The following CNTN5 variants were observed in gnomAD, a reference collection of about 807,000 sequenced individuals.
CNTN5 encodes the protein contactin 5, also known as contactin-5.
A neutral mutation model predicts 129.1 loss-of-function variants in CNTN5; 77 were observed. The observed-to-expected ratio is 0.60, with a 90% confidence interval of 0.50 to 0.72. The LOEUF is 0.72. CNTN5 is among the 30% of genes least tolerant of loss of function. CNTN5 has a pLI of 0.00. For missense variants in CNTN5, 1,478 were observed against 1,328.8 expected, an observed-to-expected ratio of 1.11 and a Z score of -1.75; for synonymous variants, 509 against 465.6, an observed-to-expected ratio of 1.09 and a Z score of -1.20.
intron 8 of CNTN5, among the ~76,000 whole-genome samples, chr11:99,978,410 G>C (rs372003707): frequency 2.8e-4 from 42 of 152,174 alleles, no homozygotes; most frequent in Admixed American, 1.1e-3. Context: ...GTACAGTAGT[G>C]TCCTAGGCTT....
chr11:100,256,515 G>T (rs527876321), intron 17 of CNTN5, among the ~76,000 whole-genome samples: 124 of 152,196 alleles, frequency 8.1e-4, no homozygotes, highest in African/African-American at 2.6e-3. Flanking sequence ...CTGGCAAGAT[G>T]GCTGAATAGG....
intron 3 of CNTN5, among the ~76,000 whole-genome samples, chr11:99,570,336 C>T (rs1949137590): frequency 6.6e-6 from 1 of 152,156 alleles, no homozygotes; most frequent in East Asian, 1.9e-4. Flanking sequence ...AAGGAATTGA[C>T]TGTTTTTAAA....
chr11:99,971,604 C>T (rs1217150422), intron 8 of CNTN5, among the ~76,000 whole-genome samples: 1 of 151,664 alleles, frequency 6.6e-6, no homozygotes, highest in African/African-American at 2.4e-5. Context: ...AAATGCCAGC[C>T]CTAACTCGAT....
At chr11:99,396,880 G>C (rs190851195) in intron 2 of CNTN5, among the ~76,000 whole-genome samples, 230 of 151,796 alleles carry the variant, frequency 1.5e-3, no homozygotes, top group African/African-American at 5.4e-3. Context: ...CAAGTATCTA[G>C]TGCATACGAC....
intron 1 of CNTN5, among the ~76,000 whole-genome samples, chr11:99,302,885 G>C (rs2135948993): frequency 6.6e-6 from 1 of 151,354 alleles, no homozygotes; most frequent in Admixed American, 6.6e-5. Flanking sequence ...TGGAACACTA[G>C]ACTTCACTAA....
intron 13 of CNTN5, among the ~76,000 whole-genome samples, chr11:100,124,565 G>A (rs1015498555): frequency 2.0e-5 from 3 of 151,962 alleles, no homozygotes; most frequent in African/African-American, 7.2e-5. Context: ...CAGATTTCTG[G>A]CAATGAGCCC....
intron 23 of CNTN5, among the ~76,000 whole-genome samples, chr11:100,342,528 CTA>C (rs1333467389): frequency 6.6e-6 from 1 of 152,034 alleles, no homozygotes; most frequent in African/African-American, 2.4e-5. Context: ...TAGAGAAATA[CTA>C]TATAACTAGA....
chr11:99,499,943 T>A (rs529214671), intron 2 of CNTN5, among the ~76,000 whole-genome samples: 1 of 152,270 alleles, frequency 6.6e-6, no homozygotes, highest in Admixed American at 6.6e-5. Flanking sequence ...CAAGAGTATT[T>A]ATGACTACTA....
At chr11:99,526,732 A>G (rs1254101733) in intron 2 of CNTN5, among the ~76,000 whole-genome samples, 1 of 152,234 alleles carries the variant, frequency 6.6e-6, no homozygotes, top group East Asian at 1.9e-4. Context: ...AGTCTGTGTT[A>G]ACTGATGCTT....
chr11:99,027,230 ACTT>A (rs952097168), intron 1 of CNTN5, among the ~76,000 whole-genome samples: 2 of 151,554 alleles, frequency 1.3e-5, no homozygotes, highest in Non-Finnish European at 3.0e-5. Context: ...GCCCTATAAT[ACTT>A]CTTAATTTTT....
intron 7 of CNTN5, among the ~76,000 whole-genome samples, chr11:99,925,718 G>T (rs543583019): frequency 1.3e-5 from 2 of 148,692 alleles, no homozygotes; most frequent in South Asian, 2.1e-4. Context: ...TGTTTTGTGG[G>T]TTTTTTTTTT....
chr11:99,645,328 T>A (rs1165448643), intron 3 of CNTN5, among the ~76,000 whole-genome samples: 2 of 145,930 alleles, frequency 1.4e-5, no homozygotes, highest in Non-Finnish European at 3.0e-5. Flanking sequence ...CTTAAACTAC[T>A]CTGAGGATGT....
chr11:99,203,022 G>A (rs1235466193), intron 1 of CNTN5, among the ~76,000 whole-genome samples: 1 of 151,838 alleles, frequency 6.6e-6, no homozygotes, highest in Non-Finnish European at 1.5e-5. Flanking sequence ...AGGAAAGAAG[G>A]CAGGCAGAGA....
At chr11:100,206,537 C>T (rs573157057) in intron 15 of CNTN5, among the ~76,000 whole-genome samples, 35 of 152,126 alleles carry the variant, frequency 2.3e-4, no homozygotes, top group African/African-American at 6.7e-4. Flanking sequence ...CATAAGTATA[C>T]GTGTTTTACA....
intron 1 of CNTN5, among the ~76,000 whole-genome samples, chr11:99,130,670 T>A (rs4448658): frequency 7.2e-5 from 11 of 151,926 alleles, no homozygotes; most frequent in Non-Finnish European, 1.2e-4. Flanking sequence ...TTTTATGAAC[T>A]CCACATAGCA....
chr11:99,537,014 C>T (rs944676527), intron 2 of CNTN5, among the ~76,000 whole-genome samples: 4 of 152,076 alleles, frequency 2.6e-5, no homozygotes, highest in Non-Finnish European at 4.4e-5. Flanking sequence ...TTTGACACTT[C>T]CAGAATATCT....
chr11:99,808,792 T>G (rs369204179), intron 3 of CNTN5, among the ~76,000 whole-genome samples: 31 of 152,294 alleles, frequency 2.0e-4, no homozygotes, highest in African/African-American at 7.0e-4. Flanking sequence ...AGCTGCTTCT[T>G]ACTAGATGCT....
intron 2 of CNTN5, among the ~76,000 whole-genome samples, chr11:99,513,744 G>A (rs897014045): frequency 4.2e-5 from 6 of 142,482 alleles, no homozygotes; most frequent in Non-Finnish European, 7.7e-5. Flanking sequence ...AAAAAAAAAA[G>A]ATTCCTTTCA....
intron 1 of CNTN5, among the ~76,000 whole-genome samples, chr11:99,105,130 T>C (rs570585046): frequency 6.6e-5 from 10 of 152,334 alleles, no homozygotes; most frequent in African/African-American, 2.4e-4. Flanking sequence ...ACTCTGCACC[T>C]ACTTGCTATG....
Sources: gnomAD v4.1 joint callset for allele counts (sites outside exome capture counted in the v4.1 genomes callset) on GRCh38, gnomAD v4.1.1 for gene constraint, MANE v1.5 for transcripts, NCBI Gene and HGNC (gene_info 2026-07-23, HGNC 2026-07-21) for gene names.